SYT13: variants seen among roughly 807,000 people sequenced by gnomAD.
SYT13 encodes the protein synaptotagmin-13.
A neutral mutation model predicts 38.6 loss-of-function variants in SYT13; 21 were observed. The observed-to-expected ratio is 0.54, with a 90% CI of 0.39 to 0.78. The LOEUF (loss-of-function observed/expected upper bound fraction) is 0.78. Ranked by LOEUF, SYT13 falls within the 30% of genes least tolerant of loss-of-function variation. The pLI is 0.00. For synonymous variants in SYT13, 241 were observed against 237.6 expected (o/e 1.01, Z -0.13); for missense variants, 495 against 548.7 (o/e 0.90, Z 0.98).
At position 45,246,464 on chromosome 11, in the gene SYT13, G is replaced by T. The variant is rs1854615287; in HGVS notation, c.895C>A (p.Pro299Thr). Reference protein sequence around the residue: ...GEVLLSISYLPAANRLLVVLI... With the variant: ...GEVLLSISYLTAANRLLVVLI... ...ACCACCAGGAGGCGGTTGGCAGCCG[G>T]GAGGTAGCTGATGGATAGTAGGACC... is the stretch of plus-strand genomic sequence containing the variant. The change falls in exon 5 of 6, where the codon CCG (proline) becomes ACG (threonine). Residue 299 changes from proline (P) to threonine (T), a missense_variant. By Grantham distance (38) the Pro-to-Thr change is conservative. Transcript: ENST00000020926. The T allele has an allele frequency of 6.2e-7, 1 of 1,614,046 alleles. No individual in the cohort carries two copies. The highest frequency in any genetic ancestry group is 8.5e-7 in the Non-Finnish European group (1 of 1,180,040).
At chr11:45,276,991 C>T (rs2135909711) in intron 1 of SYT13, among the ~76,000 whole-genome samples, 1 of 152,230 alleles carries the variant, frequency 6.6e-6, no homozygotes, top group South Asian at 2.1e-4. Flanking sequence ...AAAGGTAGAA[C>T]CAATCCAAAT....
In SYT13 at chr11:45,268,414, G is replaced by A. The variant is rs564673280; in HGVS notation, c.184-12523C>T. Among the ~76,000 whole-genome samples the A allele has an allele frequency of 9.9e-5, 15 of 152,018 alleles. No homozygotes were observed. In the South Asian group the frequency reaches 3.1e-3, roughly 32 times the overall value. On this transcript the variant is annotated intron_variant, in intron 1 of 5. Transcript: ENST00000020926. ...GGTGGGGGGTGGGGGTGGGGCGCAG[G>A]AGTTGTTTCTACTAAGAATTTGAGG...
intron 1 of SYT13, among the ~76,000 whole-genome samples, chr11:45,277,216 A>G (rs1855020887): frequency 6.6e-6 from 1 of 151,294 alleles, no homozygotes. Context: ...AAGACAAAAA[A>G]CAGATTGGAG....
chr11:45,278,092 T>A (rs1445838700), intron 1 of SYT13, among the ~76,000 whole-genome samples: 2 of 152,224 alleles, frequency 1.3e-5, no homozygotes, highest in Non-Finnish European at 2.9e-5. Context: ...TTAGTTCCAT[T>A]ATTTCTTATC....
At chr11:45,244,442 C>G (rs1171863178) in intron 5 of SYT13, 86 bp from the exon 6 acceptor site, 1 of 1,462,266 alleles carries the variant, frequency 6.8e-7, no homozygotes, top group African/African-American at 1.4e-5. Context: ...GACAAAGCTC[C>G]CTCCTGGTGC....
At chr11:45,251,462 C>T (rs1445085641) in intron 4 of SYT13, among the ~76,000 whole-genome samples, 1 of 145,714 alleles carries the variant, frequency 6.9e-6, no homozygotes, top group African/African-American at 2.5e-5. Flanking sequence ...GGTTGTCAAA[C>T]ATTTTCTGGA....
At chr11:45,249,504 T>C (rs1287473487) in intron 4 of SYT13, among the ~76,000 whole-genome samples, 1 of 152,154 alleles carries the variant, frequency 6.6e-6, no homozygotes, top group Non-Finnish European at 1.5e-5. Context: ...AACCCAAATG[T>C]CCATCAATGA....
At position 45,252,737 on chromosome 11, in the gene SYT13, A is replaced by G; in HGVS notation, c.545-15T>C. The G allele has an allele frequency of 6.4e-7, 1 of 1,556,730 alleles. No individual in the cohort carries two copies. The highest frequency in any genetic ancestry group is 8.7e-7 in the Non-Finnish European group (1 of 1,145,654). ...GCTGGTCACAGCTGCAGGCAAGGAG[A>G]ACAACACAGGCGTGGGACTTTCTGA... On this transcript the variant is annotated splice_polypyrimidine_tract_variant and intron_variant, in intron 3 of 5. Transcript: ENST00000020926. The surrounding 1 kb of genome is among the most constrained non-coding windows in gnomAD (Gnocchi z 4.3).
chr11:45,268,353 C>T (rs1854909177), intron 1 of SYT13, among the ~76,000 whole-genome samples: 2 of 124,544 alleles, frequency 1.6e-5, no homozygotes, highest in South Asian at 5.3e-4. Context: ...TAAGTGCTGT[C>T]GAGACCGGGA....
intron 1 of SYT13, among the ~76,000 whole-genome samples, chr11:45,273,480 G>A (rs1238525502): frequency 1.3e-5 from 2 of 151,900 alleles, no homozygotes; most frequent in Admixed American, 6.6e-5. Flanking sequence ...GGAGAAAATG[G>A]GGATAGGCTT....
chr11:45,257,806 C>G (rs1003535951), intron 1 of SYT13, among the ~76,000 whole-genome samples: 2 of 149,142 alleles, frequency 1.3e-5, no homozygotes, highest in Non-Finnish European at 1.5e-5. Context: ...GCAGCAGGGC[C>G]CAAAGGGGCA....
At chr11:45,276,735 A>G (rs1391573442) in intron 1 of SYT13, among the ~76,000 whole-genome samples, 1 of 151,894 alleles carries the variant, frequency 6.6e-6, no homozygotes, top group Non-Finnish European at 1.5e-5. Context: ...TAAATAAAAT[A>G]AATAAAAATT....
intron 4 of SYT13, among the ~76,000 whole-genome samples, chr11:45,251,268 A>T (rs771419030): frequency 8.6e-5 from 13 of 151,372 alleles, no homozygotes; most frequent in Non-Finnish European, 1.9e-4. Flanking sequence ...GTGTGGCTGT[A>T]ATCCCAGCTA....
rs1855045429 is a variant in SYT13 at position 45,279,349 on chromosome 11, A to C, written c.183+6676T>G. On this transcript the variant is annotated intron_variant, in intron 1 of 5. Transcript: ENST00000020926. Reference sequence around the variant, plus strand: ...GTAATTCTAGCACTTTAGGAGGACAAGTCAGGAGGATGGCCTGAGCCCAAG... The same window carrying C: ...GTAATTCTAGCACTTTAGGAGGACACGTCAGGAGGATGGCCTGAGCCCAAG... 2.0e-5 allele frequency among the ~76,000 whole-genome samples: 3 copies of C among 152,372 alleles called. No homozygotes were observed. In the East Asian group the frequency reaches 5.8e-4, roughly 29 times the overall value.
At chr11:45,273,350 C>G (rs1327655418) in intron 1 of SYT13, among the ~76,000 whole-genome samples, 3 of 152,094 alleles carry the variant, frequency 2.0e-5, no homozygotes, top group Non-Finnish European at 4.4e-5. Context: ...TGATGAAGGC[C>G]CCTCACACTC....
At chr11:45,247,542 A>G (rs1044467084) in intron 4 of SYT13, among the ~76,000 whole-genome samples, 11 of 152,018 alleles carry the variant, frequency 7.2e-5, no homozygotes, top group African/African-American at 2.2e-4. Context: ...CAGCTGTGCA[A>G]TGAGGGTAAT....
Position 45,243,280 on chromosome 11 carries a change from T to C in SYT13, c.*772A>G, listed in dbSNP as rs1202932390. 1 of 152,212 alleles carries C rather than the reference T, an allele frequency of 6.6e-6. No homozygotes were observed. The highest frequency in any genetic ancestry group is 1.5e-5 in the Non-Finnish European group (1 of 68,040). The allele number at this position is 152,212 out of a possible 1,614,324, so 9.4% of individuals were successfully genotyped here. On this transcript the variant is annotated 3_prime_UTR_variant, in exon 6 of 6. Coordinates refer to ENST00000020926, the MANE Select transcript of SYT13 (RefSeq NM_020826.3). Reference sequence around the variant, plus strand: ...CTTATGAAATGCACAAATTAAAGTATTAAGAATTAAAATAATTAAATTAAA... The same window carrying C: ...CTTATGAAATGCACAAATTAAAGTACTAAGAATTAAAATAATTAAATTAAA...
At chr11:45,285,386 T>G (rs930822095) in intron 1 of SYT13, among the ~76,000 whole-genome samples, 4 of 152,142 alleles carry the variant, frequency 2.6e-5, no homozygotes, top group Non-Finnish European at 5.9e-5. Context: ...ACCAACCCCC[T>G]CTGACTGGCT....
chr11:45,277,732 G>A (rs146743099), intron 1 of SYT13, among the ~76,000 whole-genome samples: 1 of 152,102 alleles, frequency 6.6e-6, no homozygotes, highest in Admixed American at 6.6e-5. Context: ...TCCAACTCTA[G>A]CTCGCAGTTT....
Sources: allele counts gnomAD v4.1 joint callset (sites outside exome capture counted in the v4.1 genomes callset), GRCh38; gene constraint gnomAD v4.1.1; non-coding constraint Gnocchi (gnomAD v3.1); transcripts MANE v1.5; gene names NCBI Gene and HGNC (gene_info 2026-07-23, HGNC 2026-07-21).